ASCC3: variants seen among roughly 807,000 people sequenced by gnomAD.
ASCC3 encodes activating signal cointegrator 1 complex subunit 3.
In ASCC3, 158 loss-of-function variants were observed where a neutral mutation model predicts 256.3. The observed-to-expected ratio is 0.62, with a 90% CI of 0.54 to 0.70. The LOEUF (loss-of-function observed/expected upper bound fraction) is 0.70, where lower values mean the gene tolerates loss of function less well. ASCC3 is among the 30% of genes least tolerant of loss of function. ASCC3 has a pLI of 0.00. For missense variants in ASCC3, 2,259 were observed against 2,626.0 expected, an observed-to-expected ratio of 0.86 and a Z score of 3.05; for synonymous variants, 948 against 883.4, an observed-to-expected ratio of 1.07 and a Z score of -1.30.
intron 4 of ASCC3, among the ~76,000 whole-genome samples, chr6:100,829,474 C>T (rs1214364591): frequency 2.0e-5 from 3 of 151,596 alleles, no homozygotes; most frequent in African/African-American, 2.4e-5. Context: ...GCTCGCCAGC[C>T]GTTCTGAGTG....
At chr6:100,622,569 C>T (rs545020891) in intron 30 of ASCC3, among the ~76,000 whole-genome samples, 1 of 151,862 alleles carries the variant, frequency 6.6e-6, no homozygotes, top group East Asian at 1.9e-4. Flanking sequence ...CAGACTAATA[C>T]ACCTATGTAA....
chr6:100,518,325 A>C (rs535830855), intron 37 of ASCC3, among the ~76,000 whole-genome samples, 183 bp from the exon 38 acceptor site: 2 of 152,186 alleles, frequency 1.3e-5, no homozygotes, highest in Non-Finnish European at 2.9e-5. Context: ...AAATCTGATC[A>C]TAGCATTTAC....
intron 8 of ASCC3, among the ~76,000 whole-genome samples, chr6:100,789,549 C>T (rs1251275671): frequency 2.0e-5 from 3 of 151,942 alleles, no homozygotes; most frequent in Non-Finnish European, 1.5e-5. Flanking sequence ...CCTACCCATC[C>T]ACAACACAGT....
chr6:100,864,206 T>A lies in ASCC3; in HGVS notation c.99A>T (p.Arg33=). The A allele has an allele frequency of 6.2e-7, 1 of 1,601,988 alleles. No individual in the cohort carries two copies. The highest frequency in any genetic ancestry group is 1.7e-5 in the Admixed American group (1 of 59,910). The part of the protein sequence containing the change: ...NEEVADLKIK[R]SKLHEQVLDL... Reference sequence around the variant, plus strand: ...CTAAAACTTGTTCATGAAGTTTAGATCGCTTTATCTGAAACAGAGATTATA... The same window carrying A: ...CTAAAACTTGTTCATGAAGTTTAGAACGCTTTATCTGAAACAGAGATTATA... The change falls in exon 3 of 42, where the codon CGA becomes CGT. Residue 33 remains arginine, a synonymous_variant. Transcript: ENST00000369162.
At chr6:100,726,817 GGTTAACTGTCAATACTTTTACT>G (rs938570993) in intron 10 of ASCC3, among the ~76,000 whole-genome samples, 6 of 151,950 alleles carry the variant, frequency 3.9e-5, no homozygotes, top group Non-Finnish European at 7.4e-5. Flanking sequence ...TTAGGGCCTG[GGTTAACTGTCAATACTTTTACT>G]GTCAACTTAA....
intron 20 of ASCC3, among the ~76,000 whole-genome samples, chr6:100,648,699 T>C (rs1426240683): frequency 2.0e-5 from 3 of 152,094 alleles, no homozygotes; most frequent in East Asian, 3.9e-4. Flanking sequence ...AAATAGGTTT[T>C]CCTACCTCAT....
At chr6:100,533,177 G>A (rs1282639107) in intron 37 of ASCC3, among the ~76,000 whole-genome samples, 2 of 151,632 alleles carry the variant, frequency 1.3e-5, no homozygotes, top group Admixed American at 6.6e-5. Flanking sequence ...GTGGCCTAGT[G>A]CCTTGGATTT....
At chr6:100,779,959 C>T (rs1782368768) in intron 8 of ASCC3, among the ~76,000 whole-genome samples, 1 of 152,016 alleles carries the variant, frequency 6.6e-6, no homozygotes, top group African/African-American at 2.4e-5. Flanking sequence ...CAAATTAATC[C>T]TAGAAGTTGA....
intron 8 of ASCC3, among the ~76,000 whole-genome samples, chr6:100,776,713 C>T (rs1195565518): frequency 6.6e-6 from 1 of 151,590 alleles, no homozygotes; most frequent in East Asian, 1.9e-4. Flanking sequence ...AGTAAACATA[C>T]CTCATTTTTT....
chr6:100,850,615 TAGA>T (rs1432380235), intron 3 of ASCC3, among the ~76,000 whole-genome samples: 3 of 152,180 alleles, frequency 2.0e-5, no homozygotes, highest in Admixed American at 6.5e-5. Flanking sequence ...CAATCATGTG[TAGA>T]AGATTAACAG....
intron 10 of ASCC3, among the ~76,000 whole-genome samples, chr6:100,766,281 C>T (rs1281127098): frequency 7.9e-5 from 12 of 151,934 alleles, no homozygotes; most frequent in Admixed American, 7.9e-4. Flanking sequence ...TATTTATATC[C>T]TCATCCCTAC....
At chr6:100,559,901 T>C (rs753135171) in intron 36 of ASCC3, among the ~76,000 whole-genome samples, 23 of 152,026 alleles carry the variant, frequency 1.5e-4, no homozygotes, top group Non-Finnish European at 3.4e-4. Context: ...CACTTAATTC[T>C]ATTTTGAAAC....
At chr6:100,831,208 AC>A (rs990450706) in intron 4 of ASCC3, among the ~76,000 whole-genome samples, 93 of 151,920 alleles carry the variant, frequency 6.1e-4, no homozygotes, top group African/African-American at 2.2e-3. Flanking sequence ...ATCTTGAAAA[AC>A]CCTTTCCCTT....
chr6:100,539,102 C>T (rs938850479), intron 37 of ASCC3, among the ~76,000 whole-genome samples: 1 of 152,024 alleles, frequency 6.6e-6, no homozygotes, highest in East Asian at 1.9e-4. Context: ...TGTTAGTTCT[C>T]CTTAGAAAAA....
intron 10 of ASCC3, among the ~76,000 whole-genome samples, chr6:100,763,961 G>T (rs187930004): frequency 8.0e-6 from 1 of 124,334 alleles, no homozygotes; most frequent in East Asian, 2.1e-4. Context: ...AGTCTAAGTA[G>T]ATTTTTTTGG....
chr6:100,578,842 A>G (rs1300098852), intron 36 of ASCC3, among the ~76,000 whole-genome samples: 2 of 152,130 alleles, frequency 1.3e-5, no homozygotes, highest in African/African-American at 4.8e-5. Flanking sequence ...AAATCGACAC[A>G]CTGCTTTCCA....
rs79578151 is a variant in ASCC3 at position 100,868,231 on chromosome 6, T to G, written c.-41-193A>C. Among the ~76,000 whole-genome samples, 4,332 of 152,304 alleles carry G rather than the reference T, an allele frequency of 0.028. 90 individuals carry two copies. The highest frequency in any genetic ancestry group is 0.041 in the Non-Finnish European group (2,789 of 68,024). ...GTTTTTAAAAAGCATTAGCTATGGT[T>G]GGAGAAAGGAAAAAGAAACAAACAT... On this transcript the variant is annotated intron_variant, in intron 1 of 41. Coordinates refer to ENST00000369162, the MANE Select transcript of ASCC3 (RefSeq NM_006828.4).
intron 13 of ASCC3, among the ~76,000 whole-genome samples, chr6:100,700,511 T>A (rs1450513236): frequency 1.3e-5 from 2 of 152,016 alleles, no homozygotes; most frequent in Admixed American, 1.3e-4. Flanking sequence ...AAATGGTAGA[T>A]CCACTGACAG....
At chr6:100,878,779 C>T (rs758547995) in intron 1 of ASCC3, among the ~76,000 whole-genome samples, 14 of 152,198 alleles carry the variant, frequency 9.2e-5, no homozygotes, top group African/African-American at 1.4e-4. Flanking sequence ...TGCTCTCACA[C>T]GACAACCATC....
Sources: gnomAD v4.1 joint callset for allele counts (sites outside exome capture counted in the v4.1 genomes callset) on GRCh38, gnomAD v4.1.1 for gene constraint, MANE v1.5 for transcripts, NCBI Gene and HGNC (gene_info 2026-07-23, HGNC 2026-07-21) for gene names.